GSG1: variants seen among roughly 807,000 people sequenced by gnomAD.
GSG1 encodes the protein germ cell-specific gene 1 protein.
GSG1 carries 28 observed loss-of-function variants against 30.8 expected under a neutral mutation model. That is an observed-to-expected ratio of 0.91 (90% CI 0.67 to 1.25). The LOEUF is 1.25. GSG1 is among the 50% of genes most tolerant of loss of function. GSG1 has a pLI of 0.00. For missense variants in GSG1, 435 were observed against 444.7 expected (o/e 0.98, Z 0.20); for synonymous variants, 162 against 178.0 (o/e 0.91, Z 0.71).
At chr12:13,091,052 G>C (rs1249139793) in intron 1 of GSG1, among the ~76,000 whole-genome samples, 7 of 152,138 alleles carry the variant, frequency 4.6e-5, no homozygotes, top group Non-Finnish European at 7.4e-5. Flanking sequence ...CGCCCAAATG[G>C]GGGCCTCAGA....
In GSG1 at chr12:13,083,581, C is replaced by T. The variant is rs1318352612; in HGVS notation, c.*1320G>A. On this transcript the variant is annotated 3_prime_UTR_variant, in exon 7 of 7. Transcript: ENST00000651961. ...TTTTAAGTTCTAGGGTACATGTGCA[C>T]AACGTGCAGATTTGTTACATATGTA... is the stretch of plus-strand genomic sequence containing the variant. 2 of 145,664 alleles carry T rather than the reference C, an allele frequency of 1.4e-5. No individual in the cohort carries two copies. The highest frequency in any genetic ancestry group is 5.1e-5 in the African/African-American group (2 of 39,012). 9.0% of individuals were successfully genotyped at this position (145,664 alleles called of 1,614,324 possible). A position where few individuals can be genotyped will look rare whatever the true frequency, so the allele number is the denominator to read the frequency against.
chr12:13,088,061 T>C lies in GSG1; in HGVS notation c.482-2A>G, dbSNP rs1158371534. On this transcript the variant is annotated splice_acceptor_variant, in intron 4 of 6. Transcript: ENST00000651961. LOFTEE classifies it high-confidence loss of function. ...TTCCCAGGGATAACCATAGGATTTCTGCCAGAAACCAGAGGAAGAGGGAGC... is the reference window on the plus strand; with the variant it reads ...TTCCCAGGGATAACCATAGGATTTCCGCCAGAAACCAGAGGAAGAGGGAGC... 1 of 1,614,074 alleles carries C rather than the reference T, an allele frequency of 6.2e-7. No homozygotes were observed. Among genetic ancestry groups the C allele is most frequent in the Non-Finnish European group, 8.5e-7 (1 of 1,180,018 alleles).
chr12:13,096,289 T>C (rs1036236563), intron 1 of GSG1, among the ~76,000 whole-genome samples: 2 of 151,782 alleles, frequency 1.3e-5, no homozygotes, highest in African/African-American at 2.4e-5. Flanking sequence ...CTGGCTAACA[T>C]GCTGAAATCC....
rs1863373552 is a variant in GSG1 at position 13,103,576 on chromosome 12, G to T, written c.-64C>A. On this transcript the variant is annotated 5_prime_UTR_variant, in exon 1 of 7. Transcript: ENST00000651961. ...TCTTCTGTTCTGTCTCAATCAGTTG[G>T]GTAGAATGAGTGTTTAGCGTGAGGA... is the stretch of plus-strand genomic sequence containing the variant. 4 of 1,562,780 alleles carry T rather than the reference G, an allele frequency of 2.6e-6. No homozygotes were observed. In the Admixed American group the frequency reaches 5.0e-5, roughly 20 times the overall value.
At chr12:13,089,413 T>G (rs1865871628) in intron 2 of GSG1, 137 bp from the exon 3 acceptor site, 1 of 1,426,488 alleles carries the variant, frequency 7.0e-7, no homozygotes, top group Non-Finnish European at 9.4e-7. Context: ...AGAACTTTAG[T>G]ACCAGGTGCT....
chr12:13,087,449 T>A (rs1370177486), intron 5 of GSG1, among the ~76,000 whole-genome samples, 186 bp from the exon 6 acceptor site: 2 of 152,202 alleles, frequency 1.3e-5, no homozygotes, highest in African/African-American at 4.8e-5. Context: ...TACACATCTT[T>A]GCAATAGGTG....
In GSG1 at chr12:13,101,701, T is replaced by G. The variant is rs1863219871; in HGVS notation, c.48+1764A>C. On this transcript the variant is annotated intron_variant, in intron 1 of 6. Coordinates refer to ENST00000651961, the MANE Select transcript of GSG1 (RefSeq NM_001080555.4). This position sits in a 1 kb window ranked among gnomAD's most constrained non-coding sequence, Gnocchi z 5.8. The stretch of plus-strand genomic sequence containing the variant: ...GGCCAGGGCTCGGGATGTGTCGAGC[T>G]GCTGGAGTCCAAAGTCAGGCATTTC... Among the ~76,000 whole-genome samples the G allele has an allele frequency of 6.6e-6, 1 of 152,208 alleles. No individual in the cohort carries two copies. Among genetic ancestry groups the G allele is most frequent in the Non-Finnish European group, 1.5e-5 (1 of 68,024 alleles).
At position 13,101,548 on chromosome 12, in the gene GSG1, A is replaced by C. The variant is rs993033435; in HGVS notation, c.48+1917T>G. On this transcript the variant is annotated intron_variant, in intron 1 of 6. Transcript: ENST00000651961. The surrounding 1 kb of genome is among the most constrained non-coding windows in gnomAD (Gnocchi z 5.8). ...CCGGCGAGCCGCGGAGGGCGGGGCC[A>C]CATGTGTCCCGGAGCTGGGCCGGGG... is the stretch of plus-strand genomic sequence containing the variant. Among the ~76,000 whole-genome samples, 1 of 152,174 alleles carries C rather than the reference A, an allele frequency of 6.6e-6. No individual in the cohort carries two copies. The highest frequency in any genetic ancestry group is 1.5e-5 in the Non-Finnish European group (1 of 68,014).
intron 1 of GSG1, among the ~76,000 whole-genome samples, chr12:13,103,177 AAGG>A (rs1469196564): frequency 6.6e-6 from 1 of 152,248 alleles, no homozygotes; most frequent in Non-Finnish European, 1.5e-5. Context: ...TGGGAACAGA[AAGG>A]AGAAGGAAGA....
At chr12:13,092,516 G>A (rs1209690267) in intron 1 of GSG1, among the ~76,000 whole-genome samples, 1 of 152,222 alleles carries the variant, frequency 6.6e-6, no homozygotes, top group Non-Finnish European at 1.5e-5. Flanking sequence ...TCCATGGGAA[G>A]TGAGGCTTGG....
chr12:13,088,553 G>T (rs1384018721), intron 4 of GSG1, among the ~76,000 whole-genome samples: 2 of 152,150 alleles, frequency 1.3e-5, no homozygotes, highest in Non-Finnish European at 2.9e-5. Context: ...TTTTCTATTT[G>T]TGAATCTTAT....
At chr12:13,088,118 C>T (rs1013016904) in intron 4 of GSG1, 59 bp from the exon 5 acceptor site, 22 of 1,593,782 alleles carry the variant, frequency 1.4e-5, no homozygotes, top group African/African-American at 2.7e-5. Context: ...ACTGAATAAG[C>T]GGTGAGCATA....
intron 6 of GSG1, among the ~76,000 whole-genome samples, chr12:13,085,550 G>T (rs1865441002): frequency 6.6e-6 from 1 of 151,696 alleles, no homozygotes. Flanking sequence ...TGCATATTTG[G>T]ACTCCTGTTT....
Position 13,087,951 on chromosome 12 carries a change from C to T in GSG1, c.590G>A (p.Gly197Glu), listed in dbSNP as rs1393182768. 2 of 1,614,132 alleles carry T rather than the reference C, an allele frequency of 1.2e-6. No homozygotes were observed. The highest frequency in any genetic ancestry group is 1.3e-5 in the African/African-American group (1 of 75,022). ...AGCAGCAAAGGCGCTCAGTTTGAGC[C>T]CACAGGCAGGGTTCCCAGTGAGTAG... Reference protein sequence around the residue: ...DLLLTGNPACGLKLSAFAAVS... With the variant: ...DLLLTGNPACELKLSAFAAVS... The change falls in exon 5 of 7, where the codon GGG becomes GAG. Residue 197 changes from glycine to glutamate, a missense_variant. By Grantham distance (98) the Gly-to-Glu change is moderately conservative. Transcript: ENST00000651961.
chr12:13,098,592 C>T (rs560613312), intron 1 of GSG1, among the ~76,000 whole-genome samples: 1 of 147,222 alleles, frequency 6.8e-6, no homozygotes, highest in African/African-American at 2.5e-5. Context: ...GCCAATGTTT[C>T]CTGATGAGTT....
chr12:13,095,925 A>G, intron 1 of GSG1: 1 of 648,274 alleles, frequency 1.5e-6, no homozygotes, highest in South Asian at 2.2e-5. Context: ...ATTTTCTTTA[A>G]AAAGTAAATG....
In GSG1 at chr12:13,103,568, A is replaced by G. The variant is rs968011438; in HGVS notation, c.-56T>C. The G allele has an allele frequency of 2.2e-5, 35 of 1,594,646 alleles. No individual in the cohort carries two copies. Among genetic ancestry groups the G allele is most frequent in the East Asian group, 4.5e-5 (2 of 44,766 alleles). ...TCAGTTTATCTTCTGTTCTGTCTCA[A>G]TCAGTTGGGTAGAATGAGTGTTTAG... On this transcript the variant is annotated 5_prime_UTR_variant, in exon 1 of 7. Transcript: ENST00000651961.
At chr12:13,100,901 C>T (rs555445822) in intron 1 of GSG1, among the ~76,000 whole-genome samples, 1 of 152,192 alleles carries the variant, frequency 6.6e-6, no homozygotes, top group Non-Finnish European at 1.5e-5. Context: ...AACGTAGGTC[C>T]CGAGTTTTGG....
chr12:13,091,547 T>TA (rs1866141554), intron 1 of GSG1, among the ~76,000 whole-genome samples: 2 of 151,956 alleles, frequency 1.3e-5, no homozygotes, highest in East Asian at 3.9e-4. Context: ...CTACGGAAAA[T>TA]AAAAAAATTA....
Sources: allele counts gnomAD v4.1 joint callset (sites outside exome capture counted in the v4.1 genomes callset), GRCh38; gene constraint gnomAD v4.1.1; non-coding constraint Gnocchi (gnomAD v3.1); transcripts MANE v1.5; gene names NCBI Gene and HGNC (gene_info 2026-07-23, HGNC 2026-07-21).